Variants in RANBP17 observed in about 807,000 individuals in gnomAD.
RANBP17 encodes ran-binding protein 17.
In RANBP17, 158 loss-of-function variants were observed where a neutral mutation model predicts 141.2. That is an observed-to-expected ratio of 1.12 (90% CI 0.98 to 1.28). The LOEUF (loss-of-function observed/expected upper bound fraction) is 1.28. Ranked by LOEUF, RANBP17 falls within the 50% of genes most tolerant of loss-of-function variation. The pLI, the probability that RANBP17 is intolerant of heterozygous loss-of-function variation, is 0.00. For synonymous variants in RANBP17, 430 were observed against 450.0 expected (o/e 0.96, Z 0.56); for missense variants, 1,438 against 1,290.7 (o/e 1.11, Z -1.75).
intron 14 of RANBP17, among the ~76,000 whole-genome samples, chr5:171,147,175 T>C (rs1343044882): frequency 1.3e-5 from 2 of 152,120 alleles, no homozygotes; most frequent in South Asian, 4.1e-4. Flanking sequence ...CAAAGAATTA[T>C]CTGACCTTCA....
intron 18 of RANBP17, among the ~76,000 whole-genome samples, chr5:171,185,279 G>A (rs1761159421): frequency 6.6e-6 from 1 of 152,180 alleles, no homozygotes; most frequent in South Asian, 2.1e-4. Flanking sequence ...GATATTGATG[G>A]CTGCTGACTG....
chr5:171,136,490 A>G (rs1757293665), intron 14 of RANBP17, among the ~76,000 whole-genome samples: 2 of 152,098 alleles, frequency 1.3e-5, no homozygotes, highest in South Asian at 4.2e-4. Context: ...TGCAGGACTC[A>G]CTTTAGGTAA....
At chr5:171,245,154 G>A (rs566898974) in intron 24 of RANBP17, among the ~76,000 whole-genome samples, 1 of 151,760 alleles carries the variant, frequency 6.6e-6, no homozygotes, top group Non-Finnish European at 1.5e-5. Flanking sequence ...TTTAATAGCT[G>A]TTTTAAGGTC....
At chr5:171,221,893 G>A (rs1763584110) in intron 22 of RANBP17, 53 bp downstream of exon 22, 1 of 1,047,024 alleles carries the variant, frequency 9.6e-7, no homozygotes, top group Non-Finnish European at 1.5e-6. Flanking sequence ...TCTCTTTAGA[G>A]GAAAGAAAGA....
rs780628469 is a variant in RANBP17 at position 171,265,724 on chromosome 5, C to T, written c.2820C>T (p.Ile940=). The T allele has an allele frequency of 5.6e-6, 9 of 1,614,040 alleles. No individual in the cohort carries two copies. Among genetic ancestry groups the T allele is most frequent in the Admixed American group, 5.0e-5 (3 of 60,024 alleles). The change falls in exon 25 of 28, where the codon ATC becomes ATT. Residue 940 remains isoleucine (I), a synonymous_variant. Coordinates refer to ENST00000523189, the MANE Select transcript of RANBP17 (RefSeq NM_022897.5). ...SSSCCTSLDY[I]VTYLFKHIAK... The stretch of plus-strand genomic sequence containing the variant: ...GCTGCTGTACCAGTTTAGACTACAT[C>T]GTCACCTACCTCTTCAAGCACATAG...
At chr5:170,981,877 G>C (rs3911508) in intron 14 of RANBP17, among the ~76,000 whole-genome samples, 1 of 152,178 alleles carries the variant, frequency 6.6e-6, no homozygotes, top group African/African-American at 2.4e-5. Flanking sequence ...GAAAAGCCCA[G>C]AACTTGGAGA....
At chr5:170,978,549 A>G (rs1561951726) in intron 14 of RANBP17, among the ~76,000 whole-genome samples, 1 of 152,208 alleles carries the variant, frequency 6.6e-6, no homozygotes, top group Admixed American at 6.5e-5. Flanking sequence ...AAAAATTTGG[A>G]TGAATTTATG....
chr5:170,961,136 T>C (rs1225923903), intron 13 of RANBP17, among the ~76,000 whole-genome samples: 1 of 152,174 alleles, frequency 6.6e-6, no homozygotes, highest in Non-Finnish European at 1.5e-5. Flanking sequence ...GGAAATAGCA[T>C]TTGTTATAGG....
At chr5:171,025,566 C>CT (rs142992244) in intron 14 of RANBP17, among the ~76,000 whole-genome samples, 8,386 of 145,218 alleles carry the variant, frequency 0.058, 776 homozygotes, top group African/African-American at 0.2. Context: ...GTCCTTAGTC[C>CT]TTTTTTTTTT....
chr5:171,220,959 G>A (rs1011852853), intron 21 of RANBP17, among the ~76,000 whole-genome samples: 11 of 152,180 alleles, frequency 7.2e-5, no homozygotes, highest in African/African-American at 1.9e-4. Flanking sequence ...TTTTTAAAAA[G>A]CATGGAAAAG....
chr5:170,916,466 C>A lies in RANBP17; in HGVS notation c.836C>A (p.Ala279Glu). 1 of 1,529,174 alleles carries A rather than the reference C, an allele frequency of 6.5e-7. No individual in the cohort carries two copies. Among genetic ancestry groups the A allele is most frequent in the Non-Finnish European group, 8.8e-7 (1 of 1,134,930 alleles). 94.7% of individuals were successfully genotyped at this position (1,529,174 alleles called of 1,614,324 possible). A position where few individuals can be genotyped will look rare whatever the true frequency, so the allele number is the denominator to read the frequency against. Reference sequence around the variant, plus strand: ...TGAAATTTTTTTGGTATTTTTTAGGCACTTTCATGTTTAGTTCAGTTTGCT... The same window carrying A: ...TGAAATTTTTTTGGTATTTTTTAGGAACTTTCATGTTTAGTTCAGTTTGCT... Reference protein sequence around the residue: ...HSLPPLLSQLALSCLVQFAST... With the variant: ...HSLPPLLSQLELSCLVQFAST... The change falls in exon 9 of 28, where the codon GCA becomes GAA. Residue 279 changes from alanine (A) to glutamate (E), a missense_variant and splice_region_variant. By Grantham distance (107) the Ala-to-Glu change is moderately radical (BLOSUM62 -1). Coordinates refer to ENST00000523189, the MANE Select transcript of RANBP17 (RefSeq NM_022897.5).
intron 26 of RANBP17, 103 bp downstream of exon 26, chr5:171,294,084 A>G (rs1355949149): frequency 3.2e-5 from 28 of 868,010 alleles, no homozygotes; most frequent in South Asian, 2.3e-4. Context: ...AGCAGAGCCA[A>G]TTGAATTTGA....
At chr5:171,222,706 C>T (rs1437112744) in intron 22 of RANBP17, among the ~76,000 whole-genome samples, 8 of 152,194 alleles carry the variant, frequency 5.3e-5, no homozygotes, top group African/African-American at 1.9e-4. Context: ...TCAGAGCTCA[C>T]TGCAACATCC....
chr5:170,957,810 G>C (rs555053933), intron 13 of RANBP17, among the ~76,000 whole-genome samples: 42 of 152,278 alleles, frequency 2.8e-4, no homozygotes, highest in African/African-American at 9.6e-4. Context: ...GCAGTAGTCT[G>C]TGAGTTCAGT....
intron 14 of RANBP17, among the ~76,000 whole-genome samples, chr5:171,003,782 G>A (rs1779387187): frequency 6.6e-6 from 1 of 152,180 alleles, no homozygotes; most frequent in African/African-American, 2.4e-5. Context: ...GCCCAGGTAA[G>A]CTACTGGGAC....
chr5:170,980,070 T>TA (rs1006002107), intron 14 of RANBP17, among the ~76,000 whole-genome samples: 3 of 152,192 alleles, frequency 2.0e-5, no homozygotes, highest in African/African-American at 7.2e-5. Flanking sequence ...AGGTGACTCT[T>TA]ACTATGTTTT....
chr5:170,938,667 G>C (rs1774082088), intron 12 of RANBP17, among the ~76,000 whole-genome samples: 1 of 152,166 alleles, frequency 6.6e-6, no homozygotes, highest in South Asian at 2.1e-4. Context: ...TGAAAACTTT[G>C]TGATCTAAAA....
intron 14 of RANBP17, among the ~76,000 whole-genome samples, chr5:171,076,545 G>A (rs971130193): frequency 1.3e-5 from 2 of 152,202 alleles, no homozygotes; most frequent in Non-Finnish European, 2.9e-5. Flanking sequence ...AGAAATGTCT[G>A]ATTCAAGATC....
Position 170,892,383 on chromosome 5 carries a change from G to A in RANBP17, c.257-4G>A. On this transcript the variant is annotated splice_region_variant and splice_polypyrimidine_tract_variant and intron_variant, in intron 3 of 27. Transcript: ENST00000523189. ...AGATGACCCATGGAGTGTTTTCTTT[G>A]TAGGAAACTACATTCTGAATTACGT... The A allele has an allele frequency of 7.7e-7, 1 of 1,300,120 alleles. No homozygotes were observed. The highest frequency in any genetic ancestry group is 1.0e-6 in the Non-Finnish European group (1 of 1,001,062). The allele number at this position is 1,300,120 out of a possible 1,614,324, so 80.5% of individuals were successfully genotyped here.
Sources: gnomAD v4.1 joint callset for allele counts (sites outside exome capture counted in the v4.1 genomes callset) on GRCh38, gnomAD v4.1.1 for gene constraint, MANE v1.5 for transcripts, NCBI Gene and HGNC (gene_info 2026-07-23, HGNC 2026-07-21) for gene names.